The following DCDC1 variants were observed in gnomAD, a reference collection of about 807,000 sequenced individuals.
The protein encoded by DCDC1 is doublecortin domain containing 1, also known as doublecortin domain-containing protein 1.
DCDC1 carries 200 observed loss-of-function variants against 178.3 expected under a neutral mutation model. The observed-to-expected ratio is 1.12, with a 90% confidence interval of 1.00 to 1.26. The LOEUF (loss-of-function observed/expected upper bound fraction) is 1.26, where lower values mean the gene tolerates loss of function less well. Ranked by LOEUF, DCDC1 falls within the 50% of genes most tolerant of loss-of-function variation. The probability of loss-of-function intolerance (pLI) is 0.00; values close to 1 mark genes in which losing one functional copy is unlikely to be tolerated. For missense variants in DCDC1, 1,983 were observed against 1,749.2 expected (o/e 1.13, Z -2.38); for synonymous variants, 690 against 604.8 (o/e 1.14, Z -2.07).
intron 1 of DCDC1, among the ~76,000 whole-genome samples, chr11:31,363,085 C>A (rs1951790323): frequency 6.6e-6 from 1 of 151,956 alleles, no homozygotes; most frequent in Non-Finnish European, 1.5e-5. Flanking sequence ...ATAATGCTAC[C>A]ATCATACAAA....
At chr11:31,105,103 G>A (rs1457392086) in intron 13 of DCDC1, among the ~76,000 whole-genome samples, 1 of 151,992 alleles carries the variant, frequency 6.6e-6, no homozygotes, top group Non-Finnish European at 1.5e-5. Flanking sequence ...AAACTAGACG[G>A]CAATAACTTT....
intron 9 of DCDC1, among the ~76,000 whole-genome samples, chr11:31,213,666 G>C (rs537374880): frequency 1.8e-4 from 27 of 151,366 alleles, no homozygotes; most frequent in African/African-American, 5.3e-4. Flanking sequence ...GTTGCAGTTA[G>C]CCGAGATCAC....
intron 30 of DCDC1, 54 bp from the exon 31 acceptor site, chr11:30,905,218 T>C (rs1343118539): frequency 6.6e-7 from 1 of 1,515,124 alleles, no homozygotes; most frequent in Non-Finnish European, 8.9e-7. Context: ...TGTTTTAGTG[T>C]GCTACACTTT....
intron 20 of DCDC1, among the ~76,000 whole-genome samples, chr11:31,031,109 G>A (rs1953595824): frequency 6.6e-6 from 1 of 152,116 alleles, no homozygotes; most frequent in South Asian, 2.1e-4. Flanking sequence ...ACAAATATTG[G>A]AGACATGTGG....
chr11:31,023,495 G>A (rs2135223191), intron 20 of DCDC1, among the ~76,000 whole-genome samples: 1 of 151,912 alleles, frequency 6.6e-6, no homozygotes, highest in Middle Eastern at 3.4e-3. Flanking sequence ...ACAGAGGGAA[G>A]GGCAGAGTTG....
chr11:31,158,392 C>T (rs1248486851), intron 9 of DCDC1, among the ~76,000 whole-genome samples: 1 of 152,080 alleles, frequency 6.6e-6, no homozygotes, highest in Non-Finnish European at 1.5e-5. Context: ...GCTGGGATTA[C>T]AGGCGTGAGC....
intron 8 of DCDC1, among the ~76,000 whole-genome samples, chr11:31,259,819 A>G (rs16921992): frequency 0.021 from 3,134 of 152,238 alleles, 98 homozygotes; most frequent in African/African-American, 0.07. Context: ...AAGACTGATG[A>G]TAATATTTTC....
chr11:31,083,933 G>A (rs1480972956), intron 17 of DCDC1, among the ~76,000 whole-genome samples: 1 of 152,142 alleles, frequency 6.6e-6, no homozygotes, highest in African/African-American at 2.4e-5. Context: ...AAATAACTTC[G>A]ATTCAACTAG....
chr11:31,040,009 A>G (rs1954326411), intron 20 of DCDC1, among the ~76,000 whole-genome samples: 1 of 152,180 alleles, frequency 6.6e-6, no homozygotes, highest in Admixed American at 6.5e-5. Flanking sequence ...GAAAAATTTA[A>G]CATTATCAGG....
chr11:31,156,544 T>C (rs955323319), intron 9 of DCDC1, among the ~76,000 whole-genome samples: 20 of 152,116 alleles, frequency 1.3e-4, no homozygotes, highest in African/African-American at 4.8e-4. Flanking sequence ...TTACCAAAAA[T>C]GTAATTATTT....
At chr11:30,897,192 T>C (rs2134083616) in intron 34 of DCDC1, among the ~76,000 whole-genome samples, 1 of 152,342 alleles carries the variant, frequency 6.6e-6, no homozygotes, top group Admixed American at 6.5e-5. Context: ...CACTCAATTC[T>C]AAGAGAAACC....
intron 10 of DCDC1, among the ~76,000 whole-genome samples, chr11:31,128,760 GA>G (rs1259120924): frequency 1.3e-5 from 2 of 152,106 alleles, no homozygotes; most frequent in African/African-American, 4.8e-5. Flanking sequence ...TAAATTAGAT[GA>G]AAAAATGGAG....
intron 9 of DCDC1, among the ~76,000 whole-genome samples, chr11:31,197,161 C>T (rs1470507826): frequency 6.6e-6 from 1 of 152,008 alleles, no homozygotes; most frequent in Non-Finnish European, 1.5e-5. Flanking sequence ...ATAAAGGAAA[C>T]TATCTTAGTG....
At chr11:31,028,590 A>G (rs1008758118) in intron 20 of DCDC1, among the ~76,000 whole-genome samples, 4 of 152,022 alleles carry the variant, frequency 2.6e-5, no homozygotes, top group African/African-American at 9.6e-5. Flanking sequence ...AGAAAACATA[A>G]CAAAGACCTG....
chr11:31,146,444 C>A (rs1377404698), intron 9 of DCDC1, among the ~76,000 whole-genome samples: 1 of 152,106 alleles, frequency 6.6e-6, no homozygotes, highest in African/African-American at 2.4e-5. Flanking sequence ...TCTCCTTTTC[C>A]CCGTTGGTTT....
intron 18 of DCDC1, among the ~76,000 whole-genome samples, chr11:31,066,928 A>T (rs1385835124): frequency 6.6e-6 from 1 of 152,144 alleles, no homozygotes; most frequent in Non-Finnish European, 1.5e-5. Flanking sequence ...TGTGAGATGA[A>T]GATACTAGGG....
At chr11:30,945,332 A>G (rs1448108157) in intron 21 of DCDC1, among the ~76,000 whole-genome samples, 1 of 152,036 alleles carries the variant, frequency 6.6e-6, no homozygotes, top group East Asian at 1.9e-4. Flanking sequence ...TAATATAATT[A>G]CCATTAATCA....
At chr11:31,041,892 T>C (rs1954483277) in intron 20 of DCDC1, among the ~76,000 whole-genome samples, 1 of 152,182 alleles carries the variant, frequency 6.6e-6, no homozygotes, top group Non-Finnish European at 1.5e-5. Context: ...TGACTTTATG[T>C]TTATATGTCA....
intron 9 of DCDC1, among the ~76,000 whole-genome samples, chr11:31,187,570 C>A (rs1969654771): frequency 6.6e-6 from 1 of 152,104 alleles, no homozygotes; most frequent in Non-Finnish European, 1.5e-5. Flanking sequence ...TATAGACTGA[C>A]AAGTGTTTGT....
Sources: allele counts gnomAD v4.1 joint callset (sites outside exome capture counted in the v4.1 genomes callset), GRCh38; gene constraint gnomAD v4.1.1; transcripts MANE v1.5; gene names NCBI Gene and HGNC (gene_info 2026-07-23, HGNC 2026-07-21).